Variants in GDPD4 observed in about 807,000 individuals in gnomAD.
The protein encoded by GDPD4 is glycerophosphodiester phosphodiesterase domain containing 4, also known as glycerophosphodiester phosphodiesterase 6.
Under a neutral mutation model 67.8 loss-of-function variants are expected in GDPD4, and 60 were observed. The observed-to-expected ratio is 0.88, with a 90% CI of 0.72 to 1.10. GDPD4 has a LOEUF of 1.10. GDPD4 is among the 50% of genes least tolerant of loss of function. The pLI, the probability that GDPD4 is intolerant of heterozygous loss-of-function variation, is 0.00. For missense variants in GDPD4, 623 were observed against 613.9 expected (o/e 1.01, Z -0.16); for synonymous variants, 212 against 210.9 (o/e 1.00, Z -0.04).
At chr11:77,298,899 G>A (rs543989048) in intron 1 of GDPD4, among the ~76,000 whole-genome samples, 4 of 152,024 alleles carry the variant, frequency 2.6e-5, no homozygotes, top group Admixed American at 2.0e-4. Context: ...GATATATAGG[G>A]TTAAATAAAA....
At position 77,282,747 on chromosome 11, in the gene GDPD4, G is replaced by C. The variant is rs185610107; in HGVS notation, c.53+2338C>G. 2.0e-5 allele frequency among the ~76,000 whole-genome samples: 3 copies of C among 151,800 alleles called. No homozygotes were observed. In the East Asian group the frequency reaches 5.8e-4, roughly 29 times the overall value. ...CAGAACTGATAGGACAGTAGCATTA[G>C]GAAGAATATGGATGTAAGCTCAAAT... On this transcript the variant is annotated intron_variant, in intron 3 of 16. Coordinates refer to ENST00000315938, the MANE Select transcript of GDPD4 (RefSeq NM_182833.3).
chr11:77,248,485 C>A (rs535675341), intron 11 of GDPD4, among the ~76,000 whole-genome samples: 2 of 152,066 alleles, frequency 1.3e-5, no homozygotes, highest in Non-Finnish European at 2.9e-5. Context: ...CAGGCGTGAG[C>A]CACCATGCCC....
rs200939714 is a variant in GDPD4, at chr11:77,217,238, C to A, written c.*39G>T. On this transcript the variant is annotated 3_prime_UTR_variant, in exon 17 of 17. Transcript: ENST00000315938. The stretch of plus-strand genomic sequence containing the variant: ...TAGAGTCCAAGGACCTTCCACAACT[C>A]GGACAGGAGGTTTCATGGCTATGTG... 5 of 1,517,856 alleles carry A rather than the reference C, an allele frequency of 3.3e-6. No individual in the cohort carries two copies. In the South Asian group the frequency reaches 5.6e-5, roughly 17 times the overall value. 94.0% of individuals were successfully genotyped at this position (1,517,856 alleles called of 1,614,324 possible). A position where few individuals can be genotyped will look rare whatever the true frequency, so the allele number is the denominator to read the frequency against.
chr11:77,291,773 G>A (rs983697443), intron 1 of GDPD4, among the ~76,000 whole-genome samples: 1 of 152,208 alleles, frequency 6.6e-6, no homozygotes, highest in African/African-American at 2.4e-5. Flanking sequence ...GCTCATGCCT[G>A]TAATCCCAGC....
intron 16 of GDPD4, chr11:77,224,424 T>TA (rs1471170128): frequency 1.3e-5 from 2 of 152,186 alleles, no homozygotes; most frequent in African/African-American, 4.8e-5. Context: ...TTACATTACA[T>TA]AGACTTCATC....
chr11:77,247,748 T>G (rs751944575), intron 11 of GDPD4, among the ~76,000 whole-genome samples: 1 of 151,998 alleles, frequency 6.6e-6, no homozygotes, highest in African/African-American at 2.4e-5. Flanking sequence ...TGTATAATAT[T>G]GGTTAAGAAA....
At chr11:77,242,602 A>G (rs1197655838) in intron 13 of GDPD4, among the ~76,000 whole-genome samples, 1 of 152,190 alleles carries the variant, frequency 6.6e-6, no homozygotes, top group Non-Finnish European at 1.5e-5. Flanking sequence ...TAATAGCTCA[A>G]TAAATGGAAG....
chr11:77,246,120 T>C (rs966384043), intron 11 of GDPD4, among the ~76,000 whole-genome samples: 1 of 152,130 alleles, frequency 6.6e-6, no homozygotes, highest in Admixed American at 6.5e-5. Flanking sequence ...CCCTTGTCTC[T>C]ACAAAAAAAT....
chr11:77,255,399 T>C (rs1241568572), intron 11 of GDPD4, among the ~76,000 whole-genome samples: 1 of 151,862 alleles, frequency 6.6e-6, no homozygotes, highest in Non-Finnish European at 1.5e-5. Context: ...AAACCCTCTA[T>C]TAAAAACACA....
intron 10 of GDPD4, among the ~76,000 whole-genome samples, chr11:77,267,233 T>C (rs1231673960): frequency 2.6e-5 from 4 of 152,236 alleles, no homozygotes; most frequent in Non-Finnish European, 4.4e-5. Context: ...GGTCATACCA[T>C]ATAGCCCAGG....
chr11:77,253,629 G>C (rs186042564), intron 11 of GDPD4, among the ~76,000 whole-genome samples: 8 of 152,138 alleles, frequency 5.3e-5, no homozygotes, highest in Non-Finnish European at 1.0e-4. Flanking sequence ...GCCATGGAAC[G>C]TGCAGTTGCT....
chr11:77,299,382 A>AGGG (rs1938086118), intron 1 of GDPD4, among the ~76,000 whole-genome samples: 1 of 152,160 alleles, frequency 6.6e-6, no homozygotes, highest in Non-Finnish European at 1.5e-5. Flanking sequence ...CACTTTATTT[A>AGGG]ATACTGCAAT....
intron 11 of GDPD4, among the ~76,000 whole-genome samples, chr11:77,249,303 A>G (rs1477107577): frequency 6.6e-6 from 1 of 151,982 alleles, no homozygotes; most frequent in Non-Finnish European, 1.5e-5. Context: ...CTACTTTGCA[A>G]AAAGAACCAC....
chr11:77,238,553 C>T (rs1383078144), intron 13 of GDPD4, among the ~76,000 whole-genome samples: 1 of 147,666 alleles, frequency 6.8e-6, no homozygotes, highest in Non-Finnish European at 1.5e-5. Flanking sequence ...CATTGCACTC[C>T]AGCCTGGGCA....
rs114589051 is a variant in GDPD4 at position 77,290,830 on chromosome 11, T to C, written c.-253-3410A>G. Among the ~76,000 whole-genome samples, 894 of 152,212 alleles carry C rather than the reference T, an allele frequency of 5.9e-3. 8 individuals are homozygous for C. The highest frequency in any genetic ancestry group is 0.021 in the African/African-American group (865 of 41,554). On this transcript the variant is annotated intron_variant, in intron 1 of 16. Transcript: ENST00000315938. ...TGCAAATCAACACCACAGTGAGACA[T>C]TATCTTACCCCTGTTAGAAGGGCTA...
At chr11:77,293,370 G>C (rs1258355948) in intron 1 of GDPD4, among the ~76,000 whole-genome samples, 1 of 152,176 alleles carries the variant, frequency 6.6e-6, no homozygotes. Flanking sequence ...GAGGCAGGCA[G>C]ACTGCTTGAG....
rs1276921019 is a variant in GDPD4 at position 77,252,046 on chromosome 11, GTTTGTTTGTTTTTTT to G, written c.864+6325_864+6339del. Among the ~76,000 whole-genome samples the G allele has an allele frequency of 1.4e-3, 97 of 68,668 alleles. 2 individuals carry two copies. The highest frequency in any genetic ancestry group is 1.1e-3 in the Non-Finnish European group (32 of 30,390). 45.0% of individuals were successfully genotyped at this position (68,668 alleles called of 152,430 possible). On this transcript the variant is annotated intron_variant, in intron 11 of 16. Coordinates refer to ENST00000315938, the MANE Select transcript of GDPD4 (RefSeq NM_182833.3). ...CAAGGGTGTCCATTTGGGTTTTTTT[GTTTGTTTGTTTTTTT>G]TTTGTTTTTTTTTTTTTTTTGAGAC...
intron 5 of GDPD4, among the ~76,000 whole-genome samples, chr11:77,274,698 C>T (rs1252584455): frequency 6.6e-6 from 1 of 152,132 alleles, no homozygotes; most frequent in African/African-American, 2.4e-5. Context: ...CCTTTATTAG[C>T]AATGCAAATT....
In GDPD4 at chr11:77,269,023, A is replaced by T; in HGVS notation, c.525T>A (p.Gly175=). The T allele has an allele frequency of 1.3e-5, 21 of 1,613,902 alleles. No homozygotes were observed. Among genetic ancestry groups the T allele is most frequent in the Non-Finnish European group, 1.8e-5 (21 of 1,179,846 alleles). ...AAATCCCCAGTGGCATCAAATAGAG[A>T]CCTAAAAGGATAAGAAGAAAGGGTA... ...VGLPFLLILL[G]LYLMPLGIYS... is the part of the protein sequence containing the mutation. The change falls in exon 9 of 17, where the codon GGT becomes GGA. Residue 175 remains glycine, a synonymous_variant. Transcript: ENST00000315938.
Sources: allele counts gnomAD v4.1 joint callset (sites outside exome capture counted in the v4.1 genomes callset), GRCh38; gene constraint gnomAD v4.1.1; transcripts MANE v1.5; gene names NCBI Gene and HGNC (gene_info 2026-07-23, HGNC 2026-07-21).